TMPRSS11D: variants seen among roughly 807,000 people sequenced by gnomAD.
TMPRSS11D encodes the protein transmembrane serine protease 11D, also known as transmembrane protease serine 11D.
TMPRSS11D carries 32 observed loss-of-function variants against 44.4 expected under a neutral mutation model. That is an observed-to-expected ratio of 0.72 (90% confidence interval 0.54 to 0.97). TMPRSS11D has a LOEUF of 0.97. Ranked by LOEUF, TMPRSS11D falls within the 50% of genes least tolerant of loss-of-function variation. The probability of loss-of-function intolerance (pLI) is 0.00; values close to 1 mark genes in which losing one functional copy is unlikely to be tolerated. For missense variants in TMPRSS11D, 446 were observed against 502.6 expected (o/e 0.89, Z 1.08); for synonymous variants, 179 against 177.9 (o/e 1.01, Z -0.05).
intron 3 of TMPRSS11D, among the ~76,000 whole-genome samples, chr4:67,846,558 T>C (rs1718361546): frequency 6.6e-6 from 1 of 152,200 alleles, no homozygotes; most frequent in Non-Finnish European, 1.5e-5. Flanking sequence ...GCATAATTCA[T>C]TAAATCATGA....
chr4:67,863,196 A>C (rs6811123), intron 1 of TMPRSS11D, among the ~76,000 whole-genome samples: 4,655 of 151,282 alleles, frequency 0.031, 233 homozygotes, highest in African/African-American at 0.11. Flanking sequence ...ACATGTAAAA[A>C]CTGATCAGAA....
Position 67,821,698 on chromosome 4 carries a change from T to C in TMPRSS11D, c.*639A>G, listed in dbSNP as rs560293240. Reference sequence around the variant, plus strand: ...GTCTCAGTTGAGGAGTGAACTATTTTAGCTTTTGCCTTAAATAGCTGAAAA... The same window carrying C: ...GTCTCAGTTGAGGAGTGAACTATTTCAGCTTTTGCCTTAAATAGCTGAAAA... On this transcript the variant is annotated 3_prime_UTR_variant, in exon 10 of 10. Transcript: ENST00000283916. 3.2e-4 allele frequency: 49 copies of C among 152,290 alleles called. No individual in the cohort carries two copies. The highest frequency in any genetic ancestry group is 1.1e-3 in the African/African-American group (45 of 41,562). 9.4% of individuals were successfully genotyped at this position (152,290 alleles called of 1,614,324 possible).
intron 7 of TMPRSS11D, among the ~76,000 whole-genome samples, chr4:67,830,617 G>A (rs776508688): frequency 6.6e-6 from 1 of 152,036 alleles, no homozygotes; most frequent in Non-Finnish European, 1.5e-5. Flanking sequence ...AACCTATGTT[G>A]TTTTTATATT....
Position 67,823,081 on chromosome 4 carries a change from C to T in TMPRSS11D, c.1096-583G>A, listed in dbSNP as rs536287521. Among the ~76,000 whole-genome samples, 11 of 152,234 alleles carry T rather than the reference C, an allele frequency of 7.2e-5. No homozygotes were observed. The South Asian group carries it at 8.3e-4, about 11-fold the overall frequency. ...CCCAGATATACTATAAGGTCCAACA[C>T]GAAAGAGAACATACCTATTCTGTTC... On this transcript the variant is annotated intron_variant, in intron 9 of 9. Coordinates refer to ENST00000283916, the MANE Select transcript of TMPRSS11D (RefSeq NM_004262.3).
intron 3 of TMPRSS11D, among the ~76,000 whole-genome samples, chr4:67,843,771 A>T (rs1307932373): frequency 6.6e-6 from 1 of 152,058 alleles, no homozygotes; most frequent in African/African-American, 2.4e-5. Flanking sequence ...AAAATACAAA[A>T]AATTAGCTAG....
chr4:67,883,820 G>T, intron 1 of TMPRSS11D, 106 bp downstream of exon 1: 1 of 806,680 alleles, frequency 1.2e-6, no homozygotes, highest in African/African-American at 1.8e-5. Flanking sequence ...GAAGTAACTA[G>T]AAGATTGCTA....
Position 67,842,624 on chromosome 4 carries a change from A to C in TMPRSS11D, c.251T>G (p.Ile84Ser), listed in dbSNP as rs779426936. 1.8e-5 allele frequency: 29 copies of C among 1,606,482 alleles called. No individual in the cohort carries two copies. The Admixed American group carries it at 2.4e-4, about 13-fold the overall frequency. ...ATTTGATTCTTTGAATGTTTTAGTAATCTGTAGAAAGAAAGAGAGGGGGAA... is the reference window on the plus strand; with the variant it reads ...ATTTGATTCTTTGAATGTTTTAGTACTCTGTAGAAAGAAAGAGAGGGGGAA... ...RTLSGRIESLITKTFKESNLR... is the reference protein window; with the variant it reads ...RTLSGRIESLSTKTFKESNLR... Residue 84 changes from isoleucine (I) to serine (S), a missense_variant and splice_region_variant, in exon 4 of 10, where the codon ATT becomes AGT. By Grantham distance (142) the Ile-to-Ser change is moderately radical. Coordinates refer to ENST00000283916, the MANE Select transcript of TMPRSS11D (RefSeq NM_004262.3).
In TMPRSS11D at chr4:67,866,105, A is replaced by G. The variant is rs1169566274; in HGVS notation, c.9-6427T>C. Reference sequence around the variant, plus strand: ...ACTACATAAAAATCCTCAACAAAATACTAGAAAACTGAATCCAACAGCACA... The same window carrying G: ...ACTACATAAAAATCCTCAACAAAATGCTAGAAAACTGAATCCAACAGCACA... On this transcript the variant is annotated intron_variant, in intron 1 of 9. Coordinates refer to ENST00000283916, the MANE Select transcript of TMPRSS11D (RefSeq NM_004262.3). 2.0e-5 allele frequency among the ~76,000 whole-genome samples: 3 copies of G among 151,960 alleles called. No homozygotes were observed. The East Asian group carries it at 5.8e-4, about 29-fold the overall frequency.
intron 9 of TMPRSS11D, 23 bp downstream of exon 9, chr4:67,825,700 TGATGACATG>T: frequency 6.2e-7 from 1 of 1,609,558 alleles, no homozygotes; most frequent in Non-Finnish European, 8.5e-7. Context: ...ACTTCTTGGA[TGATGACATG>T]GATGAGATTG....
rs770644089 is a variant in TMPRSS11D, at chr4:67,854,090, A to G, written c.227T>C (p.Leu76Ser). 96 of 1,578,602 alleles carry G rather than the reference A, an allele frequency of 6.1e-5. No individual in the cohort carries two copies. Among genetic ancestry groups the G allele is most frequent in the Non-Finnish European group, 6.4e-5 (74 of 1,163,572 alleles). Reference protein sequence around the residue: ...NSPATQEYRTLSGRIESLITK... With the variant: ...NSPATQEYRTSSGRIESLITK... ...TACCAGAGATTCAATTCTTCCACTCAAAGTCCTGTATTCCTGTGTAGCTGG... is the reference window on the plus strand; with the variant it reads ...TACCAGAGATTCAATTCTTCCACTCGAAGTCCTGTATTCCTGTGTAGCTGG... The change falls in exon 3 of 10, where the codon TTG becomes TCG. Residue 76 changes from leucine (L) to serine (S), a missense_variant. Transcript: ENST00000283916.
rs1718150679 is a variant in TMPRSS11D, at chr4:67,838,312, A to C, written c.335T>G (p.Val112Gly). Residue 112 changes from valine to glycine, a missense_variant, in exon 5 of 10, where the codon GTG (valine) becomes GGG (glycine). Physicochemically the swap from Val to Gly is moderately radical, Grantham distance 109. Coordinates refer to ENST00000283916, the MANE Select transcript of TMPRSS11D (RefSeq NM_004262.3). Reference protein sequence around the residue: ...VAKLRQDGSGVRADVVMKFQF... With the variant: ...VAKLRQDGSGGRADVVMKFQF... ...AAATTTCATGACAACATCCGCTCTC[A>C]CACCACTACCATCTTGCCTGTAAAT... 6.3e-7 allele frequency: 1 copy of C among 1,580,714 alleles called. No individual in the cohort carries two copies. Among genetic ancestry groups the C allele is most frequent in the African/African-American group, 1.4e-5 (1 of 73,222 alleles).
intron 1 of TMPRSS11D, among the ~76,000 whole-genome samples, chr4:67,880,167 T>C (rs1290518086): frequency 6.6e-6 from 1 of 152,214 alleles, no homozygotes; most frequent in East Asian, 1.9e-4. Flanking sequence ...GGTCAGTTCG[T>C]AGACAGGAGG....
At chr4:67,882,457 T>A (rs1719342373) in intron 1 of TMPRSS11D, among the ~76,000 whole-genome samples, 1 of 152,176 alleles carries the variant, frequency 6.6e-6, no homozygotes, top group African/African-American at 2.4e-5. Context: ...TCTGATTGAG[T>A]GTCAAATTTC....
At position 67,836,785 on chromosome 4, in the gene TMPRSS11D, G is replaced by GATCA. The variant is rs538380640; in HGVS notation, c.475+1383_475+1386dup. On this transcript the variant is annotated intron_variant, in intron 5 of 9. Coordinates refer to ENST00000283916, the MANE Select transcript of TMPRSS11D (RefSeq NM_004262.3). ...GATGATGGTGTGAATGATGAACACT[G>GATCA]ATCAATCATTCCAGCAGGTCCCTTT... 1.9e-4 allele frequency among the ~76,000 whole-genome samples: 29 copies of GATCA among 152,260 alleles called. 1 individual carries two copies. In the East Asian group the frequency reaches 4.0e-3, roughly 21 times the overall value.
chr4:67,834,744 A>G (rs898772053), intron 6 of TMPRSS11D, among the ~76,000 whole-genome samples: 2 of 152,188 alleles, frequency 1.3e-5, no homozygotes, highest in African/African-American at 4.8e-5. Context: ...CGGTGTCATC[A>G]AACATAATTT....
At chr4:67,829,028 A>T (rs1245524200) in intron 7 of TMPRSS11D, among the ~76,000 whole-genome samples, 1 of 152,056 alleles carries the variant, frequency 6.6e-6, no homozygotes, top group Admixed American at 6.6e-5. Context: ...TCATCAAATA[A>T]GGTTAGTTTT....
At chr4:67,834,571 G>T (rs1718028632) in intron 6 of TMPRSS11D, among the ~76,000 whole-genome samples, 1 of 152,108 alleles carries the variant, frequency 6.6e-6, no homozygotes, top group African/African-American at 2.4e-5. Context: ...TGCTATCCTA[G>T]CCTGAGAGTA....
At chr4:67,865,407 T>G (rs970112897) in intron 1 of TMPRSS11D, among the ~76,000 whole-genome samples, 6 of 151,332 alleles carry the variant, frequency 4.0e-5, no homozygotes, top group African/African-American at 1.5e-4. Context: ...ATCCCAATGA[T>G]GTACCTTAAG....
chr4:67,865,279 T>C (rs931754642), intron 1 of TMPRSS11D, among the ~76,000 whole-genome samples: 4 of 150,444 alleles, frequency 2.7e-5, no homozygotes, highest in African/African-American at 9.8e-5. Context: ...TTTGGGTCAA[T>C]AACAAAATAA....
Sources: allele counts gnomAD v4.1 joint callset (sites outside exome capture counted in the v4.1 genomes callset), GRCh38; gene constraint gnomAD v4.1.1; transcripts MANE v1.5; gene names NCBI Gene and HGNC (gene_info 2026-07-23, HGNC 2026-07-21).